LUZP1: variants seen among roughly 807,000 people sequenced by gnomAD.
LUZP1 encodes filamin mechanobinding actin cross-linking protein.
LUZP1 carries 25 observed loss-of-function variants against 71.3 expected under a neutral mutation model. The observed-to-expected ratio is 0.35, with a 90% CI of 0.26 to 0.49. The LOEUF is 0.49. Ranked by LOEUF, LUZP1 falls within the 20% of genes least tolerant of loss-of-function variation. The probability of loss-of-function intolerance (pLI) is 0.99; values close to 1 mark genes in which losing one functional copy is unlikely to be tolerated. For synonymous variants in LUZP1, 481 were observed against 506.4 expected (o/e 0.95, Z 0.67); for missense variants, 1,142 against 1,300.8 (o/e 0.88, Z 1.88).
intron 2 of LUZP1, among the ~76,000 whole-genome samples, chr1:23,163,627 C>T (rs1644487206): frequency 6.6e-6 from 1 of 151,046 alleles, no homozygotes; most frequent in South Asian, 2.1e-4. Flanking sequence ...ACTATCAATT[C>T]CTTAGAACAT....
intron 3 of LUZP1, among the ~76,000 whole-genome samples, chr1:23,097,433 G>A (rs1643898681): frequency 6.6e-6 from 1 of 152,206 alleles, no homozygotes. Flanking sequence ...GACCAGGATG[G>A]TGGCAGTACA....
At chr1:23,113,744 G>T (rs1009090377) in intron 2 of LUZP1, among the ~76,000 whole-genome samples, 1 of 152,058 alleles carries the variant, frequency 6.6e-6, no homozygotes, top group African/African-American at 2.4e-5. Flanking sequence ...GCCGGGTGTT[G>T]TGGCGCGCGC....
chr1:23,092,738 T>C (rs1420387704), exon 4 of LUZP1: 1 of 1,613,812 alleles, frequency 6.2e-7, no homozygotes, highest in Admixed American at 1.7e-5. Context: ...TAAACGTTCG[T>C]GTTGTCTTCT....
intron 2 of LUZP1, among the ~76,000 whole-genome samples, chr1:23,153,731 C>T (rs1191892623): frequency 6.6e-6 from 1 of 151,994 alleles, no homozygotes; most frequent in Non-Finnish European, 1.5e-5. Context: ...TTTGGGAGTT[C>T]GAGACCAGCC....
chr1:23,086,426 C>T (rs1161409572), exon 5 of LUZP1: 2 of 152,672 alleles, frequency 1.3e-5, no homozygotes, highest in African/African-American at 4.8e-5. Flanking sequence ...AGCTGTCCCT[C>T]TTCAACAGGA....
chr1:23,118,150 C>T (rs1245300950), intron 2 of LUZP1, among the ~76,000 whole-genome samples: 1 of 151,504 alleles, frequency 6.6e-6, no homozygotes, highest in African/African-American at 2.4e-5. Context: ...GCCTGTAATC[C>T]CAGCACTGTG....
chr1:23,167,564 C>T (rs1644519737), intron 2 of LUZP1, among the ~76,000 whole-genome samples: 1 of 152,218 alleles, frequency 6.6e-6, no homozygotes, highest in African/African-American at 2.4e-5. Flanking sequence ...CCCTCTCCCA[C>T]CCGCAAGGGT....
intron 2 of LUZP1, among the ~76,000 whole-genome samples, chr1:23,137,713 G>A (rs2124699362): frequency 6.6e-6 from 1 of 152,230 alleles, no homozygotes; most frequent in East Asian, 1.9e-4. Context: ...ACAATAACAA[G>A]TGTAAGAGAA....
At chr1:23,175,588 C>A (rs1172118224) in intron 1 of LUZP1, among the ~76,000 whole-genome samples, 1 of 152,190 alleles carries the variant, frequency 6.6e-6, no homozygotes, top group African/African-American at 2.4e-5. Flanking sequence ...TTATTAATTT[C>A]TGATCCCTTT....
At chr1:23,107,083 G>T (rs1419788715) in intron 3 of LUZP1, among the ~76,000 whole-genome samples, 1 of 152,184 alleles carries the variant, frequency 6.6e-6, no homozygotes, top group Non-Finnish European at 1.5e-5. Flanking sequence ...ATCCCTCAGA[G>T]ATTTTATACC....
intron 2 of LUZP1, among the ~76,000 whole-genome samples, chr1:23,111,199 C>CA (rs56805419): frequency 7.5e-4 from 72 of 96,228 alleles, no homozygotes; most frequent in Admixed American, 2.0e-3. Flanking sequence ...GACGCTGTCT[C>CA]AAAAAAAAAA....
chr1:23,092,354 T>G (rs1235537192), exon 4 of LUZP1: 1 of 1,614,202 alleles, frequency 6.2e-7, no homozygotes. Context: ...GACTGCTGTC[T>G]TCCATCACAA....
intron 2 of LUZP1, among the ~76,000 whole-genome samples, chr1:23,115,150 T>C (rs1644067905): frequency 6.6e-6 from 1 of 152,268 alleles, no homozygotes; most frequent in Non-Finnish European, 1.5e-5. Context: ...CTATCTATGA[T>C]AGAGGACTGC....
intron 2 of LUZP1, among the ~76,000 whole-genome samples, chr1:23,156,072 C>G (rs542619199): frequency 6.6e-6 from 1 of 152,314 alleles, no homozygotes; most frequent in African/African-American, 2.4e-5. Context: ...TCTTCAGCAT[C>G]TGTAGAAAGC....
intron 2 of LUZP1, among the ~76,000 whole-genome samples, chr1:23,161,106 C>T (rs541455946): frequency 1.3e-5 from 2 of 152,130 alleles, no homozygotes; most frequent in Admixed American, 6.5e-5. Flanking sequence ...GGGAATATGG[C>T]CATTAAATAT....
chr1:23,133,950 C>T (rs1047743823), intron 2 of LUZP1, among the ~76,000 whole-genome samples: 2 of 152,136 alleles, frequency 1.3e-5, no homozygotes, highest in Non-Finnish European at 2.9e-5. Flanking sequence ...GACATTATAA[C>T]TGGCCTGGAC....
In LUZP1 at chr1:23,093,405, T is replaced by C; in HGVS notation, c.857A>G (p.Asn286Ser). ...CTCTTGGTTAAGGTCTTTGACTTTG[T>C]TGTCTTCCTGATTGCGGTTCTTTTC... Residue 286 changes from asparagine (N) to serine (S), a missense_variant, in exon 4 of 5, where the codon AAC becomes AGC. By Grantham distance (46) the Asn-to-Ser change is conservative. Transcript: ENST00000302291. The surrounding 1 kb of genome is among the most constrained non-coding windows in gnomAD (Gnocchi z 4.2). 3 of 1,614,026 alleles carry C rather than the reference T, an allele frequency of 1.9e-6. No homozygotes were observed. Among genetic ancestry groups the C allele is most frequent in the Non-Finnish European group, 2.5e-6 (3 of 1,180,008 alleles).
chr1:23,094,402 C>T lies in LUZP1; in HGVS notation c.-119-22G>A, dbSNP rs1260437847. The stretch of plus-strand genomic sequence containing the variant: ...CAATCTACAAAAGGAAAGTAGAAAG[C>T]ATGTCAGTCAGCAAATGTAAAACCT... On this transcript the variant is annotated intron_variant, in intron 3 of 4. Coordinates refer to ENST00000302291, the Ensembl canonical transcript of LUZP1. The surrounding 1 kb of genome is among the most constrained non-coding windows in gnomAD (Gnocchi z 4.7). 6 of 1,416,286 alleles carry T rather than the reference C, an allele frequency of 4.2e-6. No individual in the cohort carries two copies. In the South Asian group the frequency reaches 9.9e-5, roughly 23 times the overall value. The allele number at this position is 1,416,286 out of a possible 1,614,324, so 87.7% of individuals were successfully genotyped here. A position where few individuals can be genotyped will look rare whatever the true frequency, so the allele number is the denominator to read the frequency against.
At chr1:23,162,461 C>T (rs1156561795) in intron 2 of LUZP1, among the ~76,000 whole-genome samples, 4 of 146,084 alleles carry the variant, frequency 2.7e-5, no homozygotes, top group East Asian at 3.9e-4. Flanking sequence ...TTTTTTGAGA[C>T]GGAGTCTCGC....
Sources: gnomAD v4.1 joint callset for allele counts (sites outside exome capture counted in the v4.1 genomes callset) on GRCh38, gnomAD v4.1.1 for gene constraint, Gnocchi (gnomAD v3.1) non-coding constraint, MANE v1.5 for transcripts, NCBI Gene and HGNC (gene_info 2026-07-23, HGNC 2026-07-21) for gene names.